The following RPTOR variants were observed in gnomAD, a reference collection of about 807,000 sequenced individuals.
RPTOR encodes regulatory associated protein of MTOR complex 1.
In RPTOR, 21 loss-of-function variants were observed where a neutral mutation model predicts 169.9. The ratio of observed to expected loss-of-function variants is 0.12; its 90% CI spans 0.09 to 0.18. The LOEUF is 0.18. Ranked by LOEUF, RPTOR falls within the 10% of genes least tolerant of loss-of-function variation. The pLI is 1.00. For synonymous variants in RPTOR, 732 were observed against 753.2 expected, an observed-to-expected ratio of 0.97 and a Z score of 0.46; for missense variants, 1,133 against 1,855.9, an observed-to-expected ratio of 0.61 and a Z score of 7.16.
At chr17:80,929,832 G>C (rs958096248) in intron 24 of RPTOR, among the ~76,000 whole-genome samples, 3 of 152,196 alleles carry the variant, frequency 2.0e-5, no homozygotes, top group Admixed American at 1.3e-4. Context: ...AGTGAACATT[G>C]AGCATCCTGT....
intron 13 of RPTOR, among the ~76,000 whole-genome samples, chr17:80,858,329 C>T (rs905520437): frequency 1.3e-5 from 2 of 152,270 alleles, no homozygotes; most frequent in African/African-American, 2.4e-5. Flanking sequence ...CATTGCATTT[C>T]TCCCCCTCCT....
Position 80,565,597 on chromosome 17 carries a change from GA to G in RPTOR, c.162+19807del, listed in dbSNP as rs537070517. On this transcript the variant is annotated intron_variant, in intron 1 of 33. Coordinates refer to ENST00000306801, the MANE Select transcript of RPTOR (RefSeq NM_020761.3). Reference sequence around the variant, plus strand: ...GCGGAGGGAGGCGTGCACTGCTGTGGAGGGGTTAGAGCCCCAGGGCTGGGAG... The same window carrying G: ...GCGGAGGGAGGCGTGCACTGCTGTGGGGGGTTAGAGCCCCAGGGCTGGGAG... Among the ~76,000 whole-genome samples the G allele has an allele frequency of 1.5e-3, 226 of 151,710 alleles. 1 individual carries two copies. The highest frequency in any genetic ancestry group is 5.3e-3 in the African/African-American group (217 of 41,284).
intron 1 of RPTOR, among the ~76,000 whole-genome samples, chr17:80,594,866 C>G (rs1568324903): frequency 6.6e-6 from 1 of 152,218 alleles, no homozygotes; most frequent in East Asian, 1.9e-4. Flanking sequence ...CCTGCAACAT[C>G]TGTTCTTGTG....
intron 9 of RPTOR, among the ~76,000 whole-genome samples, chr17:80,835,722 G>A (rs1170906449): frequency 6.6e-6 from 1 of 152,162 alleles, no homozygotes; most frequent in Non-Finnish European, 1.5e-5. Flanking sequence ...AACATACATG[G>A]AGTTTACTCT....
At chr17:80,592,921 T>C (rs189521802) in intron 1 of RPTOR, among the ~76,000 whole-genome samples, 8 of 152,300 alleles carry the variant, frequency 5.3e-5, no homozygotes, top group Admixed American at 2.6e-4. Context: ...GTCGGAGTCT[T>C]AGTGGCTCCC....
chr17:80,915,466 C>A (rs2068662180), intron 21 of RPTOR, among the ~76,000 whole-genome samples: 1 of 122,126 alleles, frequency 8.2e-6, no homozygotes, highest in South Asian at 3.2e-4. Context: ...TCGGGAAAAC[C>A]AGCTGCAGAG....
chr17:80,927,475 C>T (rs913185078), intron 24 of RPTOR, among the ~76,000 whole-genome samples: 1 of 152,182 alleles, frequency 6.6e-6, no homozygotes, highest in Non-Finnish European at 1.5e-5. Context: ...ATCCAAAACT[C>T]ATTGCTCTTA....
intron 13 of RPTOR, among the ~76,000 whole-genome samples, chr17:80,864,031 C>T (rs941843763): frequency 6.6e-6 from 1 of 152,120 alleles, no homozygotes; most frequent in Non-Finnish European, 1.5e-5. Flanking sequence ...CGGCAAGTGA[C>T]ATAACGTACT....
At chr17:80,629,747 G>C (rs1004984277) in intron 2 of RPTOR, among the ~76,000 whole-genome samples, 8 of 135,618 alleles carry the variant, frequency 5.9e-5, no homozygotes, top group African/African-American at 2.3e-4. Flanking sequence ...GGACTCAGCT[G>C]TCTATGTATT....
chr17:80,615,298 A>G (rs1275746301), intron 1 of RPTOR, among the ~76,000 whole-genome samples: 1 of 151,844 alleles, frequency 6.6e-6, no homozygotes, highest in African/African-American at 2.4e-5. Flanking sequence ...CAGGGTGCTC[A>G]CCTCCCTGTG....
At position 80,945,745 on chromosome 17, in the gene RPTOR, C is replaced by T. The variant is rs776174012; in HGVS notation, c.3104C>T (p.Thr1035Met). 2.0e-5 allele frequency: 32 copies of T among 1,611,656 alleles called. No individual in the cohort carries two copies. The highest frequency in any genetic ancestry group is 2.7e-5 in the African/African-American group (2 of 74,498). The change falls in exon 26 of 34, where the codon ACG (threonine) becomes ATG (methionine). Residue 1035 changes from threonine (T) to methionine (M), a missense_variant. By Grantham distance (81) the Thr-to-Met change is moderately conservative. Coordinates refer to ENST00000306801, the MANE Select transcript of RPTOR (RefSeq NM_020761.3). Reference protein sequence around the residue: ...VPSVVKFHPFTPCIAVADKDS... With the variant: ...VPSVVKFHPFMPCIAVADKDS... ...TCTGTGGTGAAATTCCACCCCTTCA[C>T]GCCGTGCATCGCCGTAGCCGACAAG... is the stretch of plus-strand genomic sequence containing the variant.
rs1268073211 is a variant in RPTOR, at chr17:80,634,518, T to TGC, written c.265+8727_265+8728dup. On this transcript the variant is annotated intron_variant, in intron 2 of 33. Coordinates refer to ENST00000306801, the MANE Select transcript of RPTOR (RefSeq NM_020761.3). Reference sequence around the variant, plus strand: ...TGTGTGTGTGCATACTGTGTGTGTGTGCGTACTGTGTGCATGTGCGTACTG... The same window carrying TGC: ...TGTGTGTGTGCATACTGTGTGTGTGTGCGCGTACTGTGTGCATGTGCGTACTG... Among the ~76,000 whole-genome samples, 97 of 141,964 alleles carry TGC rather than the reference T, an allele frequency of 6.8e-4. 1 individual carries two copies. Among genetic ancestry groups the TGC allele is most frequent in the African/African-American group, 2.6e-3 (97 of 37,670 alleles). The allele number at this position is 141,964 out of a possible 152,430, so 93.1% of individuals were successfully genotyped here.
At chr17:80,938,038 G>A (rs2068975916) in intron 24 of RPTOR, among the ~76,000 whole-genome samples, 1 of 152,262 alleles carries the variant, frequency 6.6e-6, no homozygotes. Flanking sequence ...CTCTCCTAGA[G>A]CTCAGATTAG....
At chr17:80,915,317 C>T (rs1444145928) in intron 21 of RPTOR, among the ~76,000 whole-genome samples, 1 of 95,120 alleles carries the variant, frequency 1.1e-5, no homozygotes, top group Non-Finnish European at 2.2e-5. Context: ...GAGCAGACGT[C>T]AGGAAAACCA....
intron 10 of RPTOR, among the ~76,000 whole-genome samples, chr17:80,838,351 C>A (rs2067588422): frequency 6.6e-6 from 1 of 152,172 alleles, no homozygotes; most frequent in East Asian, 1.9e-4. Flanking sequence ...ACTCTCAGCC[C>A]TGTGGGACAG....
intron 6 of RPTOR, among the ~76,000 whole-genome samples, chr17:80,785,905 AG>A (rs1567910395): frequency 6.6e-6 from 1 of 152,178 alleles, no homozygotes; most frequent in Non-Finnish European, 1.5e-5. Context: ...TGGCGAGAGC[AG>A]GGGGGTGCCA....
chr17:80,619,160 A>G (rs2065336355), intron 1 of RPTOR, among the ~76,000 whole-genome samples: 1 of 152,010 alleles, frequency 6.6e-6, no homozygotes, highest in Non-Finnish European at 1.5e-5. Flanking sequence ...GGGATAGTGA[A>G]TGTTGTGACC....
chr17:80,735,303 G>C (rs182833525), intron 5 of RPTOR, among the ~76,000 whole-genome samples: 2 of 152,316 alleles, frequency 1.3e-5, no homozygotes, highest in Non-Finnish European at 2.9e-5. Context: ...ACTCCTTGCA[G>C]TGGATGAGTA....
chr17:80,605,329 C>T (rs1174721418), intron 1 of RPTOR, among the ~76,000 whole-genome samples: 1 of 152,138 alleles, frequency 6.6e-6, no homozygotes, highest in Admixed American at 6.5e-5. Flanking sequence ...TTTGTGATGG[C>T]AGGTGTATAA....
Sources: gnomAD v4.1 joint callset for allele counts (sites outside exome capture counted in the v4.1 genomes callset) on GRCh38, gnomAD v4.1.1 for gene constraint, MANE v1.5 for transcripts, NCBI Gene and HGNC (gene_info 2026-07-23, HGNC 2026-07-21) for gene names.